ADAMTSL3: variants seen among roughly 807,000 people sequenced by gnomAD.
ADAMTSL3 encodes the protein ADAMTS-like protein 3.
ADAMTSL3 carries 128 observed loss-of-function variants against 201.7 expected under a neutral mutation model. The observed-to-expected ratio is 0.63, with a 90% CI of 0.55 to 0.73. The LOEUF (loss-of-function observed/expected upper bound fraction) is 0.73, where lower values mean the gene tolerates loss of function less well. Among genes scored for constraint, ADAMTSL3 ranks in the 30% least tolerant of loss-of-function variants. The pLI, the probability that ADAMTSL3 is intolerant of heterozygous loss-of-function variation, is 0.00. For missense variants in ADAMTSL3, 1,990 were observed against 2,119.6 expected, an observed-to-expected ratio of 0.94 and a Z score of 1.20; for synonymous variants, 738 against 748.4, an observed-to-expected ratio of 0.99 and a Z score of 0.23.
intron 17 of ADAMTSL3, among the ~76,000 whole-genome samples, chr15:83,932,055 T>C (rs1259130387): frequency 6.6e-6 from 1 of 152,158 alleles, no homozygotes; most frequent in Non-Finnish European, 1.5e-5. Flanking sequence ...TCTTAAAAGC[T>C]ACCACTCATG....
chr15:83,984,090 T>G (rs887815136), intron 21 of ADAMTSL3, among the ~76,000 whole-genome samples: 7 of 152,238 alleles, frequency 4.6e-5, no homozygotes, highest in Non-Finnish European at 5.9e-5. Context: ...TTCCTTTATT[T>G]TACATAACAG....
chr15:84,016,612 A>G, intron 25 of ADAMTSL3, 113 bp downstream of exon 25: 2 of 896,410 alleles, frequency 2.2e-6, no homozygotes, highest in South Asian at 1.7e-5. Context: ...AATTATTTCT[A>G]GGCATTTGGC....
intron 26 of ADAMTSL3, among the ~76,000 whole-genome samples, chr15:84,024,865 C>T (rs1361684264): frequency 6.6e-6 from 1 of 152,198 alleles, no homozygotes; most frequent in Non-Finnish European, 1.5e-5. Flanking sequence ...GGGTAAACAA[C>T]ACTTAGATGC....
At chr15:83,823,068 G>T (rs2063920453) in intron 6 of ADAMTSL3, among the ~76,000 whole-genome samples, 1 of 151,778 alleles carries the variant, frequency 6.6e-6, no homozygotes, top group Non-Finnish European at 1.5e-5. Context: ...GGCGGCGCGC[G>T]CCTGCAAATT....
intron 23 of ADAMTSL3, among the ~76,000 whole-genome samples, chr15:83,998,883 C>T (rs760299075): frequency 2.1e-4 from 32 of 152,210 alleles, no homozygotes; most frequent in Admixed American, 5.9e-4. Flanking sequence ...CTGTTTTGCA[C>T]ACAAGGTCCC....
chr15:83,981,022 A>G (rs1331905742), intron 20 of ADAMTSL3, among the ~76,000 whole-genome samples: 1 of 152,246 alleles, frequency 6.6e-6, no homozygotes, highest in East Asian at 1.9e-4. Context: ...TCCCCATTGC[A>G]TGACCTTCTA....
intron 3 of ADAMTSL3, among the ~76,000 whole-genome samples, chr15:83,755,396 T>C (rs2062704076): frequency 6.6e-6 from 1 of 152,172 alleles, no homozygotes. Context: ...GAACCTACTG[T>C]ACCCATTAAA....
intron 3 of ADAMTSL3, among the ~76,000 whole-genome samples, chr15:83,710,987 G>C (rs973970206): frequency 6.6e-6 from 1 of 152,142 alleles, no homozygotes; most frequent in Non-Finnish European, 1.5e-5. Flanking sequence ...AAAAGTATGA[G>C]AGAAATGTTT....
At chr15:83,674,289 C>T (rs2061364208) in intron 2 of ADAMTSL3, among the ~76,000 whole-genome samples, 1 of 151,882 alleles carries the variant, frequency 6.6e-6, no homozygotes, top group South Asian at 2.1e-4. Flanking sequence ...AAGGTCACAT[C>T]TTACGTTATA....
At chr15:83,667,224 T>A (rs1403764077) in intron 2 of ADAMTSL3, among the ~76,000 whole-genome samples, 1 of 152,192 alleles carries the variant, frequency 6.6e-6, no homozygotes, top group East Asian at 1.9e-4. Context: ...AATCTTTCCG[T>A]CTTTTCTTGT....
At chr15:83,730,108 A>G (rs2062242171) in intron 3 of ADAMTSL3, among the ~76,000 whole-genome samples, 1 of 152,104 alleles carries the variant, frequency 6.6e-6, no homozygotes, top group Non-Finnish European at 1.5e-5. Flanking sequence ...CAGCGTGATG[A>G]TTCAGGGACA....
intron 17 of ADAMTSL3, among the ~76,000 whole-genome samples, chr15:83,937,084 A>G (rs1037997855): frequency 2.6e-5 from 4 of 151,134 alleles, no homozygotes; most frequent in African/African-American, 4.9e-5. Context: ...TAATTCAGCT[A>G]TTGTGGAAAG....
At chr15:83,973,158 T>C (rs1333762707) in intron 20 of ADAMTSL3, among the ~76,000 whole-genome samples, 1 of 152,130 alleles carries the variant, frequency 6.6e-6, no homozygotes, top group Non-Finnish European at 1.5e-5. Flanking sequence ...ACCTCATCAA[T>C]TCCACTGACC....
At chr15:83,978,583 A>G (rs1276629139) in intron 20 of ADAMTSL3, among the ~76,000 whole-genome samples, 1 of 152,190 alleles carries the variant, frequency 6.6e-6, no homozygotes, top group Non-Finnish European at 1.5e-5. Flanking sequence ...TTCTTGCCCA[A>G]GAACTATGTT....
intron 6 of ADAMTSL3, 58 bp downstream of exon 6, chr15:83,820,105 T>C (rs2063837849): frequency 4.3e-6 from 6 of 1,409,660 alleles, no homozygotes; most frequent in Non-Finnish European, 6.0e-6. Context: ...CTACTGTCAA[T>C]AAACAGAACC....
At chr15:83,740,110 C>T (rs768530942) in intron 3 of ADAMTSL3, 2 of 282,294 alleles carry the variant, frequency 7.1e-6, no homozygotes, top group Non-Finnish European at 1.5e-5. Context: ...GCCACTTACA[C>T]CATTGGCAAG....
At chr15:83,891,420 G>T in intron 12 of ADAMTSL3, 41 bp downstream of exon 12, 1 of 1,542,766 alleles carries the variant, frequency 6.5e-7, no homozygotes. Context: ...AATTTAAGTA[G>T]TTTGCAAGGA....
intron 26 of ADAMTSL3, among the ~76,000 whole-genome samples, chr15:84,023,185 T>C (rs890019046): frequency 3.3e-5 from 5 of 152,232 alleles, no homozygotes; most frequent in Admixed American, 6.5e-5. Flanking sequence ...TAAATATTTA[T>C]GAAATCAATG....
chr15:83,740,055 T>C (rs142944762), intron 3 of ADAMTSL3: 1 of 334,332 alleles, frequency 3.0e-6, no homozygotes, highest in African/African-American at 2.1e-5. Flanking sequence ...ACCCTGAGCA[T>C]TGCATCACAG....
Sources: gnomAD v4.1 joint callset for allele counts (sites outside exome capture counted in the v4.1 genomes callset) on GRCh38, gnomAD v4.1.1 for gene constraint, MANE v1.5 for transcripts, NCBI Gene and HGNC (gene_info 2026-07-23, HGNC 2026-07-21) for gene names.